Variants in NLRP8 observed in about 807,000 individuals in gnomAD.
NLRP8 encodes the protein NACHT, LRR and PYD domains-containing protein 8.
A neutral mutation model predicts 88.7 loss-of-function variants in NLRP8; 86 were observed. The ratio of observed to expected loss-of-function variants is 0.97; its 90% CI spans 0.81 to 1.16. NLRP8 has a LOEUF of 1.16. Among genes scored for constraint, NLRP8 ranks in the 50% most tolerant of loss-of-function variants. The pLI is 0.00. For synonymous variants in NLRP8, 504 were observed against 494.6 expected (o/e 1.02, Z -0.25); for missense variants, 1,342 against 1,286.5 (o/e 1.04, Z -0.66).
In NLRP8 at chr19:55,955,157, C is replaced by T. The variant is rs11880748; in HGVS notation, c.1099C>T (p.Gln367Ter). Residue 367 changes from glutamine to a stop codon, truncating the protein, a stop_gained, in exon 3 of 10, where the codon CAG (glutamine) becomes TAG (stop). Transcript: ENST00000291971. LOFTEE classifies it high-confidence loss of function. ...TACGATGGAAAAAATCAAGTATTTC[C>T]AGATGTATTTTGGACACACAGAGGA... The T allele has an allele frequency of 1.9e-6, 3 of 1,613,952 alleles. No individual in the cohort carries two copies. The highest frequency in any genetic ancestry group is 4.5e-5 in the East Asian group (2 of 44,864).
In NLRP8 at chr19:55,971,525, G is replaced by A. The variant is rs908425782; in HGVS notation, c.2534+829G>A. 2.0e-5 allele frequency among the ~76,000 whole-genome samples: 3 copies of A among 150,466 alleles called. No homozygotes were observed. In the South Asian group the frequency reaches 6.3e-4, roughly 31 times the overall value. On this transcript the variant is annotated intron_variant, in intron 6 of 9. Coordinates refer to ENST00000291971, the MANE Select transcript of NLRP8 (RefSeq NM_176811.2). ...CTGATCTATATCTTAGTGTTCATCT[G>A]TTTAGTTGCTTCTATAGTTAATTCC...
At chr19:55,979,090 G>A (rs962055986) in intron 8 of NLRP8, among the ~76,000 whole-genome samples, 1 of 152,188 alleles carries the variant, frequency 6.6e-6, no homozygotes, top group African/African-American at 2.4e-5. Context: ...TCACTCTTGT[G>A]TCAAAAATGT....
chr19:55,947,933 C>T lies in NLRP8; in HGVS notation c.31C>T (p.Pro11Ser). The T allele has an allele frequency of 6.2e-7, 1 of 1,613,698 alleles. No homozygotes were observed. The highest frequency in any genetic ancestry group is 8.5e-7 in the Non-Finnish European group (1 of 1,179,740). Residue 11 changes from proline to serine, a missense_variant, in exon 1 of 10, where the codon CCC (proline) becomes TCC (serine). Transcript: ENST00000291971. ...TGACGTGAATCCACCCTCTGACACC[C>T]CCATTCCCTTTTCATCCTCCTCCAC...
intron 9 of NLRP8, among the ~76,000 whole-genome samples, chr19:55,983,015 C>T (rs576837237): frequency 6.6e-6 from 1 of 152,042 alleles, no homozygotes; most frequent in African/African-American, 2.4e-5. Context: ...TTCCCACCGG[C>T]CAAATCTGGA....
chr19:55,962,343 C>A, intron 4 of NLRP8, 106 bp downstream of exon 4: 2 of 1,219,758 alleles, frequency 1.6e-6, no homozygotes, highest in East Asian at 2.4e-5. Flanking sequence ...CGGAAAGCAC[C>A]CATGTCCAGC....
intron 9 of NLRP8, among the ~76,000 whole-genome samples, chr19:55,984,876 A>G (rs961857550): frequency 6.6e-6 from 1 of 152,176 alleles, no homozygotes; most frequent in African/African-American, 2.4e-5. Context: ...ATGGAGAAAT[A>G]TACAAACTTC....
intron 1 of NLRP8, 99 bp from the exon 2 acceptor site, chr19:55,952,439 T>A: frequency 1.1e-6 from 1 of 872,908 alleles, no homozygotes; most frequent in Non-Finnish European, 1.9e-6. Context: ...TGAAGCCATG[T>A]GGCTGCTTCT....
Position 55,955,416 on chromosome 19 carries a change from G to T in NLRP8, c.1358G>T (p.Gly453Val). Residue 453 changes from glycine (G) to valine (V), a missense_variant, in exon 3 of 10, where the codon GGT (glycine) becomes GTT (valine). By Grantham distance (109) the Gly-to-Val change is moderately radical (BLOSUM62 -3). Coordinates refer to ENST00000291971, the MANE Select transcript of NLRP8 (RefSeq NM_176811.2). Reference sequence around the variant, plus strand: ...AAGATCCACCAAGCACAACTGGAAGGTCTGTGTCACTTGGCCGCAGACAGC... The same window carrying T: ...AAGATCCACCAAGCACAACTGGAAGTTCTGTGTCACTTGGCCGCAGACAGC... 1 of 1,614,214 alleles carries T rather than the reference G, an allele frequency of 6.2e-7. No homozygotes were observed. Among genetic ancestry groups the T allele is most frequent in the Non-Finnish European group, 8.5e-7 (1 of 1,180,046 alleles).
intron 3 of NLRP8, among the ~76,000 whole-genome samples, chr19:55,957,719 ATATAT>A (rs1979441588): frequency 3.5e-5 from 3 of 85,944 alleles, no homozygotes; most frequent in East Asian, 3.8e-4. Context: ...ATATATATAT[ATATAT>A]AAAATAAGGT....
chr19:55,951,922 T>A (rs866812710), intron 1 of NLRP8, among the ~76,000 whole-genome samples: 1 of 152,146 alleles, frequency 6.6e-6, no homozygotes, highest in Middle Eastern at 3.4e-3. Context: ...TAATTATTTT[T>A]TATTTTTTTA....
Position 55,954,926 on chromosome 19 carries a change from G to A in NLRP8, c.868G>A (p.Glu290Lys), listed in dbSNP as rs1401659572. The A allele has an allele frequency of 1.9e-6, 3 of 1,614,146 alleles. No individual in the cohort carries two copies. In the South Asian group the frequency reaches 3.3e-5, roughly 18 times the overall value. The change falls in exon 3 of 10, where the codon GAG becomes AAG. Residue 290 changes from glutamate (E) to lysine (K), a missense_variant. Glu to Lys is a moderately conservative substitution (Grantham distance 56). Coordinates refer to ENST00000291971, the MANE Select transcript of NLRP8 (RefSeq NM_176811.2). ...TCTGCTGCTCTTGGATGGCTTTGAG[G>A]AGCTCACATCTACCCTCATTGACAG...
chr19:55,981,181 T>C lies in NLRP8; in HGVS notation c.3047+1617T>C, dbSNP rs542604203. Among the ~76,000 whole-genome samples the C allele has an allele frequency of 7.9e-5, 12 of 151,754 alleles. No homozygotes were observed. The South Asian group carries it at 2.3e-3, about 29-fold the overall frequency. On this transcript the variant is annotated intron_variant, in intron 9 of 9. Transcript: ENST00000291971. Reference sequence around the variant, plus strand: ...TAGTGCTGTGATGAAGCAATAGAGATGAATCGATCTGGACCCTCTGGTGAC... The same window carrying C: ...TAGTGCTGTGATGAAGCAATAGAGACGAATCGATCTGGACCCTCTGGTGAC...
chr19:55,983,166 G>T (rs986309440), intron 9 of NLRP8, among the ~76,000 whole-genome samples: 1 of 151,870 alleles, frequency 6.6e-6, no homozygotes, highest in Non-Finnish European at 1.5e-5. Flanking sequence ...AAAAGAAAAA[G>T]AATATTTTGA....
At chr19:55,984,934 A>G (rs1980740306) in intron 9 of NLRP8, among the ~76,000 whole-genome samples, 1 of 152,260 alleles carries the variant, frequency 6.6e-6, no homozygotes, top group African/African-American at 2.4e-5. Flanking sequence ...CCTTGGCTGT[A>G]TGCATAAAGT....
chr19:55,957,740 A>C (rs1377672573), intron 3 of NLRP8, among the ~76,000 whole-genome samples: 1 of 142,166 alleles, frequency 7.0e-6, no homozygotes, highest in Non-Finnish European at 1.5e-5. Flanking sequence ...AAGGTTGTTA[A>C]ACGTGTTAAA....
At chr19:55,973,444 G>A (rs1390570002) in intron 6 of NLRP8, among the ~76,000 whole-genome samples, 1 of 152,176 alleles carries the variant, frequency 6.6e-6, no homozygotes, top group Non-Finnish European at 1.5e-5. Context: ...TAGTCTATCA[G>A]TTTTATTGAT....
intron 2 of NLRP8, 81 bp downstream of exon 2, chr19:55,952,693 C>A: frequency 9.7e-7 from 1 of 1,031,746 alleles, no homozygotes; most frequent in Non-Finnish European, 1.5e-6. Context: ...TAAGGCAAGC[C>A]AGATTTTAAG....
chr19:55,954,606 A>G lies in NLRP8; in HGVS notation c.548A>G (p.His183Arg). The G allele has an allele frequency of 6.2e-7, 1 of 1,614,220 alleles. No homozygotes were observed. The highest frequency in any genetic ancestry group is 2.2e-5 in the East Asian group (1 of 44,890). Residue 183 changes from histidine (H) to arginine (R), a missense_variant, in exon 3 of 10, where the codon CAC becomes CGC. Physicochemically the swap from His to Arg is conservative, Grantham distance 29. Transcript: ENST00000291971. ...AGGGACTTCTTCTACCAAGGTGTAC[A>G]CAGGCACGAGGAGTACTTACCATGT...
rs187092314 is a variant in NLRP8, at chr19:55,988,179, G to A, written c.*266G>A. The A allele has an allele frequency of 8.4e-6, 2 of 237,370 alleles. No individual in the cohort carries two copies. Among genetic ancestry groups the A allele is most frequent in the Admixed American group, 1.1e-4 (2 of 18,540 alleles). 14.7% of individuals were successfully genotyped at this position (237,370 alleles called of 1,614,324 possible). A position where few individuals can be genotyped will look rare whatever the true frequency, so the allele number is the denominator to read the frequency against. ...GGTCGAGGTGGGCAGATTACCTGAG[G>A]TCAGGAGTTCCAGACCAGCCTGGCC... On this transcript the variant is annotated 3_prime_UTR_variant, in exon 10 of 10. Transcript: ENST00000291971.
Sources: allele counts gnomAD v4.1 joint callset (sites outside exome capture counted in the v4.1 genomes callset), GRCh38; gene constraint gnomAD v4.1.1; transcripts MANE v1.5; gene names NCBI Gene and HGNC (gene_info 2026-07-23, HGNC 2026-07-21).